Variants in PAN2 observed in about 807,000 individuals in gnomAD.
PAN2 encodes PAN2-PAN3 deadenylation complex catalytic subunit PAN2.
Under a neutral mutation model 133.3 loss-of-function variants are expected in PAN2, and 68 were observed. The observed-to-expected ratio is 0.51, with a 90% CI of 0.42 to 0.62. The LOEUF is 0.62. PAN2 is among the 20% of genes least tolerant of loss of function. PAN2 has a pLI of 0.00. For synonymous variants in PAN2, 462 were observed against 544.6 expected (o/e 0.85, Z 2.11); for missense variants, 1,042 against 1,500.5 (o/e 0.69, Z 5.05).
intron 19 of PAN2, 89 bp downstream of exon 19, chr12:56,322,334 G>C (rs1874649187): frequency 8.4e-7 from 1 of 1,191,502 alleles, no homozygotes; most frequent in African/African-American, 1.5e-5. Flanking sequence ...CCTCCCTGTT[G>C]AATCTGCCTG....
At chr12:56,321,994 A>G in intron 20 of PAN2, 84 bp downstream of exon 20, 4 of 693,882 alleles carry the variant, frequency 5.8e-6, no homozygotes, top group Non-Finnish European at 1.0e-5. Flanking sequence ...ACCAATCCTA[A>G]GTACTTGCAA....
At chr12:56,325,563 C>G in intron 8 of PAN2, 109 bp from the exon 9 acceptor site, 2 of 1,169,918 alleles carry the variant, frequency 1.7e-6, no homozygotes, top group Non-Finnish European at 2.5e-6. Flanking sequence ...CTTCTATATT[C>G]ATAGCACTCT....
rs1409342281 is a variant in PAN2, at chr12:56,324,056, G to A, written c.2058C>T (p.Tyr686=). 1 of 1,614,240 alleles carries A rather than the reference G, an allele frequency of 6.2e-7. No homozygotes were observed. The highest frequency in any genetic ancestry group is 1.7e-5 in the Admixed American group (1 of 60,024). The change falls in exon 13 of 26, where the codon TAC becomes TAT. Residue 686 remains tyrosine, a synonymous_variant. Transcript: ENST00000440411. ...ASSTLLFTLS[Y]PDDKTGKNYD... ...GTATACCACTTTTGCTACCATCAGG[G>A]TAGGAGAGTGTGAAAAGCAGAGTGG... is the stretch of plus-strand genomic sequence containing the variant.
intron 2 of PAN2, among the ~76,000 whole-genome samples, chr12:56,329,106 C>A (rs1875447896): frequency 6.6e-6 from 1 of 152,196 alleles, no homozygotes; most frequent in African/African-American, 2.4e-5. Context: ...ACCAATCCCA[C>A]ATGGATACCA....
chr12:56,326,225 TA>T, intron 8 of PAN2, 87 bp downstream of exon 8: 2 of 1,287,498 alleles, frequency 1.6e-6, no homozygotes, highest in Non-Finnish European at 2.1e-6. Flanking sequence ...CAACAGGATC[TA>T]AAAACAAAAG....
Position 56,332,834 on chromosome 12 carries a change from C to G in PAN2, c.261G>C (p.Met87Ile). 6.2e-7 allele frequency: 1 copy of G among 1,614,166 alleles called. No homozygotes were observed. Among genetic ancestry groups the G allele is most frequent in the Non-Finnish European group, 8.5e-7 (1 of 1,180,010 alleles). The stretch of plus-strand genomic sequence containing the variant: ...TTACCCCGTGGCTCCCCACCCACAG[C>G]ATCTCCTCGTGCAAGTCAAAGTGGG... ...SVSHFDLHEEMLWVGSHGGHA... is the reference protein window; with the variant it reads ...SVSHFDLHEEILWVGSHGGHA... Residue 87 changes from methionine (M) to isoleucine (I), a missense_variant, in exon 2 of 26, where the codon ATG becomes ATC. Coordinates refer to ENST00000440411, the MANE Select transcript of PAN2 (RefSeq NM_014871.6).
chr12:56,329,070 G>T (rs1202150467), intron 2 of PAN2, among the ~76,000 whole-genome samples: 1 of 152,018 alleles, frequency 6.6e-6, no homozygotes, highest in Non-Finnish European at 1.5e-5. Context: ...CTTGAATTTT[G>T]GTATCTGGTA....
chr12:56,326,774 A>G lies in PAN2; in HGVS notation c.1105T>C (p.Ser369Pro). 6.2e-7 allele frequency: 1 copy of G among 1,614,204 alleles called. No individual in the cohort carries two copies. Among genetic ancestry groups the G allele is most frequent in the Non-Finnish European group, 8.5e-7 (1 of 1,180,042 alleles). The change falls in exon 7 of 26, where the codon TCC (serine) becomes CCC (proline). Residue 369 changes from serine to proline, a missense_variant. Coordinates refer to ENST00000440411, the MANE Select transcript of PAN2 (RefSeq NM_014871.6). Reference protein sequence around the residue: ...DSPEPSFNPYSRETEFALPCL... With the variant: ...DSPEPSFNPYPRETEFALPCL... ...GGCAAAGCAAACTCAGTCTCACGGG[A>G]GTAGGGGTTGAAGGAAGGCTCCGGG...
intron 2 of PAN2, 149 bp downstream of exon 2, chr12:56,332,664 A>G (rs1876046539): frequency 2.8e-6 from 2 of 724,508 alleles, no homozygotes; most frequent in Non-Finnish European, 4.8e-6. Context: ...CCTAGATCCT[A>G]GATTCTCCCT....
intron 17 of PAN2, 68 bp downstream of exon 17, chr12:56,322,994 G>A (rs1195161715): frequency 1.9e-6 from 3 of 1,578,568 alleles, no homozygotes; most frequent in East Asian, 4.5e-5. Flanking sequence ...ACCTTCCCCT[G>A]CCCTCCTTTA....
rs1874257974 is a variant in PAN2 at position 56,319,552 on chromosome 12, TC to T, written c.3091-66del. 6.3e-7 allele frequency: 1 copy of T among 1,589,310 alleles called. No homozygotes were observed. On this transcript the variant is annotated intron_variant, in intron 22 of 25. Transcript: ENST00000440411. This position sits in a 1 kb window ranked among gnomAD's most constrained non-coding sequence, Gnocchi z 5.4. ...AGATGGAGTCTTCCCCTATCACTCT[TC>T]CCTGGGTTCTTGAGCACTGTAAGTA...
intron 2 of PAN2, among the ~76,000 whole-genome samples, chr12:56,330,746 G>A (rs1224291503): frequency 6.6e-6 from 1 of 151,986 alleles, no homozygotes; most frequent in African/African-American, 2.4e-5. Context: ...TCCCACCTTG[G>A]CTTATCAAAG....
Position 56,326,879 on chromosome 12 carries a change from T to G in PAN2, c.1000A>C (p.Met334Leu). The G allele has an allele frequency of 1.2e-5, 20 of 1,614,194 alleles. No homozygotes were observed. The highest frequency in any genetic ancestry group is 1.7e-5 in the Non-Finnish European group (20 of 1,180,030). ...TTGCTGGCTGACACATCAAATGTCA[T>G]TAGCAGAGGCCCCACAGGATTCACA... Reference protein sequence around the residue: ...FHVNPVGPLLMTFDVSASKQA... With the variant: ...FHVNPVGPLLLTFDVSASKQA... Residue 334 changes from methionine to leucine, a missense_variant, in exon 7 of 26, where the codon ATG becomes CTG. Coordinates refer to ENST00000440411, the MANE Select transcript of PAN2 (RefSeq NM_014871.6).
intron 8 of PAN2, among the ~76,000 whole-genome samples, chr12:56,325,879 C>T (rs1875067173): frequency 1.3e-5 from 2 of 152,196 alleles, no homozygotes; most frequent in Non-Finnish European, 2.9e-5. Flanking sequence ...ATTTATGCCT[C>T]TTGAGATCTT....
chr12:56,319,318 A>G lies in PAN2; in HGVS notation c.3260T>C (p.Ile1087Thr). The change falls in exon 23 of 26, where the codon ATC becomes ACC. Residue 1087 changes from isoleucine (I) to threonine (T), a missense_variant. By Grantham distance (89) the Ile-to-Thr change is moderately conservative (BLOSUM62 -1). This residue lies in a region of PAN2 where 49 missense variants were observed against 160.5 expected (regional missense o/e 0.31). Coordinates refer to ENST00000440411, the MANE Select transcript of PAN2 (RefSeq NM_014871.6). The surrounding 1 kb of genome is among the most constrained non-coding windows in gnomAD (Gnocchi z 5.4). The stretch of plus-strand genomic sequence containing the variant: ...AGAGCCCTGCCAAACCATCAGGTTG[A>G]TGACCCGGAAGTCCTTCTGCAGGCC... ...GHGLQKDFRV[I>T]NLMVPKDQVL... 6.2e-7 allele frequency: 1 copy of G among 1,613,568 alleles called. No individual in the cohort carries two copies. The highest frequency in any genetic ancestry group is 8.5e-7 in the Non-Finnish European group (1 of 1,179,748).
rs569684410 is a variant in PAN2, at chr12:56,327,779, G to A, written c.652-148C>T. On this transcript the variant is annotated intron_variant, in intron 5 of 25. Coordinates refer to ENST00000440411, the MANE Select transcript of PAN2 (RefSeq NM_014871.6). ...CAGAAAAGGCAAACAGAGAAGCCCA[G>A]AGCCAGAAGGGGCTTCAGGGAGACT... is the stretch of plus-strand genomic sequence containing the variant. 4.6e-5 allele frequency: 57 copies of A among 1,237,876 alleles called. 1 individual carries two copies. In the African/African-American group the frequency reaches 8.2e-4, roughly 18 times the overall value. 76.7% of individuals were successfully genotyped at this position (1,237,876 alleles called of 1,614,324 possible). A position where few individuals can be genotyped will look rare whatever the true frequency, so the allele number is the denominator to read the frequency against.
rs11558139 is a variant in PAN2 at position 56,333,000 on chromosome 12, C to A, written c.95G>T (p.Ser32Ile). Residue 32 changes from serine (S) to isoleucine (I), a missense_variant, in exon 2 of 26, where the codon AGT becomes ATT. Physicochemically the swap from Ser to Ile is moderately radical, Grantham distance 142. Around this residue, in one of 3 missense-constraint regions of PAN2, gnomAD observed 908 missense variants for 1,223.5 expected, o/e 0.74. Coordinates refer to ENST00000440411, the MANE Select transcript of PAN2 (RefSeq NM_014871.6). Reference sequence around the variant, plus strand: ...GTCCAGCTCCACATTCTGTAGCAGACTTGGGTTCAGGTGGGCATCCAAGAC... The same window carrying A: ...GTCCAGCTCCACATTCTGTAGCAGAATTGGGTTCAGGTGGGCATCCAAGAC... ...DPVLDAHLNP[S>I]LLQNVELDPE... 6.2e-7 allele frequency: 1 copy of A among 1,614,100 alleles called. No individual in the cohort carries two copies. Among genetic ancestry groups the A allele is most frequent in the African/African-American group, 1.3e-5 (1 of 74,938 alleles).
At chr12:56,324,771 A>C in intron 10 of PAN2, 62 bp from the exon 11 acceptor site, 1 of 1,555,740 alleles carries the variant, frequency 6.4e-7, no homozygotes, top group African/African-American at 1.4e-5. Flanking sequence ...AGAAATATGG[A>C]GGTTAAGTGA....
intron 20 of PAN2, among the ~76,000 whole-genome samples, chr12:56,320,376 G>C (rs59480951): frequency 0.046 from 7,071 of 152,256 alleles, 562 homozygotes; most frequent in African/African-American, 0.16. Context: ...GGTGGCTAAT[G>C]CCTGTAATCC....
Sources: allele counts gnomAD v4.1 joint callset (sites outside exome capture counted in the v4.1 genomes callset), GRCh38; gene constraint gnomAD v4.1.1; regional missense constraint gnomAD v4.1.1; non-coding constraint Gnocchi (gnomAD v3.1); transcripts MANE v1.5; gene names NCBI Gene and HGNC (gene_info 2026-07-23, HGNC 2026-07-21).